NRG1: variants seen among roughly 807,000 people sequenced by gnomAD.
NRG1 encodes the protein neuregulin 1.
In NRG1, 18 loss-of-function variants were observed where a neutral mutation model predicts 63.8. The ratio of observed to expected loss-of-function variants is 0.28; its 90% CI spans 0.19 to 0.42. The LOEUF (loss-of-function observed/expected upper bound fraction) is 0.42, where lower values mean the gene tolerates loss of function less well. Ranked by LOEUF, NRG1 falls within the 10% of genes least tolerant of loss-of-function variation. The pLI is 1.00. For missense variants in NRG1, 762 were observed against 814.7 expected (o/e 0.94, Z 0.79); for synonymous variants, 302 against 301.3 (o/e 1.00, Z -0.02).
intron 1 of NRG1, among the ~76,000 whole-genome samples, chr8:31,898,430 C>T (rs1261868767): frequency 2.6e-5 from 4 of 152,226 alleles, no homozygotes; most frequent in South Asian, 2.1e-4. Context: ...GAAACTGAGG[C>T]TCAAAAAGAC....
chr8:31,944,322 C>T (rs760654840), intron 1 of NRG1, among the ~76,000 whole-genome samples: 1 of 152,144 alleles, frequency 6.6e-6, no homozygotes, highest in Non-Finnish European at 1.5e-5. Context: ...GTATGAATCA[C>T]TCGTGTTGTC....
rs560636705 is a variant in NRG1 at position 32,050,675 on chromosome 8, T to G, written c.37+411244T>G. On this transcript the variant is annotated intron_variant, in intron 1 of 10. Transcript: ENST00000519301. ...TGACCTCACCTCACTTTCATTCTCC[T>G]CCGTACCCAAAGCTGAGACTATGGT... 2.1e-3 allele frequency among the ~76,000 whole-genome samples: 319 copies of G among 152,184 alleles called. 1 individual carries two copies. The highest frequency in any genetic ancestry group is 7.3e-3 in the African/African-American group (304 of 41,552).
intron 1 of NRG1, among the ~76,000 whole-genome samples, chr8:32,444,646 C>A (rs1820006288): frequency 6.6e-6 from 1 of 152,052 alleles, no homozygotes; most frequent in Non-Finnish European, 1.5e-5. Context: ...TTTGGTAATC[C>A]CAGACATTTT....
chr8:31,888,059 T>G (rs767564778), intron 1 of NRG1, among the ~76,000 whole-genome samples: 5 of 151,780 alleles, frequency 3.3e-5, no homozygotes, highest in Non-Finnish European at 7.4e-5. Flanking sequence ...ATATTATACA[T>G]GTATTGATGT....
chr8:31,833,782 A>G (rs988255917), intron 1 of NRG1, among the ~76,000 whole-genome samples: 2 of 152,130 alleles, frequency 1.3e-5, no homozygotes, highest in Non-Finnish European at 1.5e-5. Flanking sequence ...GTAAATATAT[A>G]CAATTTGTGA....
chr8:32,282,091 T>C (rs535277432), intron 1 of NRG1, among the ~76,000 whole-genome samples: 126 of 152,280 alleles, frequency 8.3e-4, no homozygotes, highest in Middle Eastern at 3.4e-3. Context: ...AACTTGACAG[T>C]GTGGAGATCA....
At chr8:32,067,507 G>C (rs1825050273) in intron 1 of NRG1, among the ~76,000 whole-genome samples, 1 of 152,120 alleles carries the variant, frequency 6.6e-6, no homozygotes, top group African/African-American at 2.4e-5. Flanking sequence ...ATTTTTGTAT[G>C]TTGAACCAGC....
chr8:31,979,472 G>T (rs1808728497), intron 1 of NRG1, among the ~76,000 whole-genome samples: 1 of 151,944 alleles, frequency 6.6e-6, no homozygotes, highest in African/African-American at 2.4e-5. Flanking sequence ...CCCAACTCCT[G>T]TCTTACTTCC....
intron 1 of NRG1, among the ~76,000 whole-genome samples, chr8:32,107,137 G>T (rs1261357466): frequency 6.6e-6 from 1 of 152,126 alleles, no homozygotes; most frequent in Non-Finnish European, 1.5e-5. Flanking sequence ...TCAGGAGGCT[G>T]AGGCAGGAGT....
At chr8:32,492,584 G>C (rs966261255) in intron 1 of NRG1, among the ~76,000 whole-genome samples, 35 of 151,976 alleles carry the variant, frequency 2.3e-4, no homozygotes, top group African/African-American at 8.0e-4. Flanking sequence ...ACTTAGAATG[G>C]ATCCTTTATT....
At chr8:32,531,690 T>G (rs78199916) in intron 1 of NRG1, among the ~76,000 whole-genome samples, 2,097 of 152,296 alleles carry the variant, frequency 0.014, 44 homozygotes, top group African/African-American at 0.047. Context: ...ATGGGTGTCT[T>G]ATGTAACTTG....
chr8:32,406,808 A>G (rs1814054959), intron 1 of NRG1, among the ~76,000 whole-genome samples: 1 of 152,146 alleles, frequency 6.6e-6, no homozygotes, highest in South Asian at 2.1e-4. Context: ...CTTAATAAGT[A>G]TATCTTGACT....
At chr8:32,504,423 A>G (rs543337498) in intron 1 of NRG1, among the ~76,000 whole-genome samples, 153 of 152,304 alleles carry the variant, frequency 1.0e-3, no homozygotes, top group African/African-American at 3.4e-3. Flanking sequence ...ATTAAATAAT[A>G]TATTTGGTTA....
intron 1 of NRG1, among the ~76,000 whole-genome samples, chr8:32,088,166 C>T (rs1828562031): frequency 6.6e-6 from 1 of 152,194 alleles, no homozygotes; most frequent in African/African-American, 2.4e-5. Context: ...CCTTCACAAA[C>T]CCCTTTAATG....
intron 1 of NRG1, among the ~76,000 whole-genome samples, chr8:32,491,242 A>T (rs1010899594): frequency 2.0e-5 from 3 of 152,210 alleles, no homozygotes. Context: ...TTAGTTTCTT[A>T]GATTAGTACT....
intron 1 of NRG1, among the ~76,000 whole-genome samples, chr8:31,959,799 T>G (rs1805128074): frequency 9.6e-6 from 1 of 103,846 alleles, no homozygotes; most frequent in Non-Finnish European, 2.1e-5. Context: ...TATTTATTAT[T>G]TATTTATTTA....
At position 32,666,011 on chromosome 8, in the gene NRG1, G is replaced by A. The variant is rs1395179541; in HGVS notation, c.502+49126G>A. On this transcript the variant is annotated intron_variant, in intron 5 of 11. Coordinates refer to ENST00000356819, the Ensembl canonical transcript of NRG1. ...GCTCATTCAGTATGCAAGAATTCCA[G>A]TTTCCATTACTTCTTGCTGCTGCTG... is the stretch of plus-strand genomic sequence containing the variant. Among the ~76,000 whole-genome samples, 3 of 152,250 alleles carry A rather than the reference G, an allele frequency of 2.0e-5. No homozygotes were observed. In the Middle Eastern group the frequency reaches 0.01, roughly 518 times the overall value.
At chr8:31,788,677 C>A (rs1451124300) in intron 1 of NRG1, among the ~76,000 whole-genome samples, 1 of 152,144 alleles carries the variant, frequency 6.6e-6, no homozygotes, top group Non-Finnish European at 1.5e-5. Flanking sequence ...GTATATACCT[C>A]TTGAATTTGC....
chr8:31,933,116 T>G (rs182498272), intron 1 of NRG1, among the ~76,000 whole-genome samples: 145 of 152,328 alleles, frequency 9.5e-4, no homozygotes, highest in African/African-American at 3.2e-3. Context: ...AAGAACTTCA[T>G]TTTCTAGGAC....
Sources: allele counts gnomAD v4.1 joint callset (sites outside exome capture counted in the v4.1 genomes callset), GRCh38; gene constraint gnomAD v4.1.1; transcripts MANE v1.5; gene names NCBI Gene and HGNC (gene_info 2026-07-23, HGNC 2026-07-21).